Variants in GPC6 observed in about 807,000 individuals in gnomAD.
GPC6 encodes the protein glypican 6.
In GPC6, 14 loss-of-function variants were observed where a neutral mutation model predicts 55.2. That is an observed-to-expected ratio of 0.25 (90% CI 0.17 to 0.40). The LOEUF is 0.40. GPC6 is among the 10% of genes least tolerant of loss of function. GPC6 has a pLI of 1.00. For missense variants in GPC6, 641 were observed against 708.5 expected, an observed-to-expected ratio of 0.90 and a Z score of 1.08; for synonymous variants, 278 against 259.6, an observed-to-expected ratio of 1.07 and a Z score of -0.68.
chr13:93,398,980 A>C (rs973961453), intron 1 of GPC6, among the ~76,000 whole-genome samples: 2 of 152,128 alleles, frequency 1.3e-5, no homozygotes, highest in Non-Finnish European at 2.9e-5. Flanking sequence ...CAGGCCAGAA[A>C]GAGAAACTGA....
intron 1 of GPC6, among the ~76,000 whole-genome samples, chr13:93,391,397 G>C (rs1875627706): frequency 6.6e-6 from 1 of 152,004 alleles, no homozygotes; most frequent in Non-Finnish European, 1.5e-5. Context: ...TGTGAGTCTT[G>C]ATGACAAATG....
intron 2 of GPC6, among the ~76,000 whole-genome samples, chr13:93,813,521 TTTA>T (rs1886760746): frequency 6.6e-6 from 1 of 152,180 alleles, no homozygotes; most frequent in African/African-American, 2.4e-5. Context: ...TGCTAAACAT[TTTA>T]TCTTAAAGAT....
intron 1 of GPC6, among the ~76,000 whole-genome samples, chr13:93,526,779 A>T (rs1594237597): frequency 6.6e-6 from 1 of 152,084 alleles, no homozygotes; most frequent in Non-Finnish European, 1.5e-5. Flanking sequence ...AGCCAATCTG[A>T]TAAATTAAGT....
At chr13:94,195,069 C>A (rs915951062) in intron 4 of GPC6, among the ~76,000 whole-genome samples, 1 of 152,122 alleles carries the variant, frequency 6.6e-6, no homozygotes, top group African/African-American at 2.4e-5. Context: ...AAATAAGAAG[C>A]CTGTTTTCCT....
At chr13:93,452,288 T>G (rs1878257552) in intron 1 of GPC6, among the ~76,000 whole-genome samples, 1 of 152,260 alleles carries the variant, frequency 6.6e-6, no homozygotes, top group Non-Finnish European at 1.5e-5. Context: ...ATTTTTCTAC[T>G]GCATACAAAG....
At chr13:93,995,870 A>C (rs1005866947) in intron 3 of GPC6, among the ~76,000 whole-genome samples, 3 of 152,174 alleles carry the variant, frequency 2.0e-5, no homozygotes, top group African/African-American at 7.2e-5. Flanking sequence ...TTAAGTAAAA[A>C]TTGCCCCTTT....
At chr13:94,299,489 A>G (rs9524425) in intron 5 of GPC6, among the ~76,000 whole-genome samples, 2,453 of 152,322 alleles carry the variant, frequency 0.016, 31 homozygotes, top group East Asian at 0.035. Flanking sequence ...GTATTTGGAG[A>G]TGGAGGCTGT....
Position 93,647,874 on chromosome 13 carries a change from G to C in GPC6, c.319+102453G>C, listed in dbSNP as rs189487823. ...TGAGAGACCATGTCATGAGTGAACTGGCTACCACCAGTCTTCTTGAATCCG... is the reference window on the plus strand; with the variant it reads ...TGAGAGACCATGTCATGAGTGAACTCGCTACCACCAGTCTTCTTGAATCCG... On this transcript the variant is annotated intron_variant, in intron 2 of 8. Transcript: ENST00000377047. 1.8e-3 allele frequency among the ~76,000 whole-genome samples: 269 copies of C among 152,174 alleles called. 2 individuals carry two copies. The highest frequency in any genetic ancestry group is 6.1e-3 in the African/African-American group (254 of 41,536).
intron 1 of GPC6, among the ~76,000 whole-genome samples, chr13:93,453,938 T>G (rs894307090): frequency 8.5e-5 from 13 of 152,164 alleles, no homozygotes; most frequent in Non-Finnish European, 1.8e-4. Flanking sequence ...TTCTTTTATC[T>G]GGCCCCACCC....
intron 4 of GPC6, among the ~76,000 whole-genome samples, chr13:94,152,217 A>C (rs1312403921): frequency 6.6e-6 from 1 of 152,154 alleles, no homozygotes; most frequent in East Asian, 1.9e-4. Context: ...TTTCCTTCCA[A>C]ACCTCCTTTT....
At chr13:93,609,953 C>G (rs532479468) in intron 2 of GPC6, among the ~76,000 whole-genome samples, 1 of 152,254 alleles carries the variant, frequency 6.6e-6, no homozygotes, top group South Asian at 2.1e-4. Flanking sequence ...GTAGTAGATT[C>G]TATTCAGTAC....
At chr13:93,913,744 C>T (rs558093409) in intron 3 of GPC6, among the ~76,000 whole-genome samples, 119 of 152,176 alleles carry the variant, frequency 7.8e-4, no homozygotes, top group African/African-American at 2.6e-3. Context: ...GGTAAAGGAG[C>T]GTGATGGCAA....
intron 3 of GPC6, among the ~76,000 whole-genome samples, chr13:93,880,105 A>T (rs927246615): frequency 6.6e-6 from 1 of 151,944 alleles, no homozygotes; most frequent in African/African-American, 2.4e-5. Flanking sequence ...GAACACCTTT[A>T]CCCTGTTGGT....
At chr13:93,844,468 A>T (rs866040823) in intron 3 of GPC6, among the ~76,000 whole-genome samples, 1 of 152,136 alleles carries the variant, frequency 6.6e-6, no homozygotes, top group African/African-American at 2.4e-5. Context: ...AAATGAAAGT[A>T]AACCCCACTT....
At chr13:94,006,669 G>A (rs1036186756) in intron 3 of GPC6, among the ~76,000 whole-genome samples, 1 of 152,040 alleles carries the variant, frequency 6.6e-6, no homozygotes, top group African/African-American at 2.4e-5. Flanking sequence ...CATTGAAATG[G>A]GTCAAACCAC....
chr13:94,387,798 C>T lies in GPC6; in HGVS notation c.1289+5248C>T, dbSNP rs373547558. Among the ~76,000 whole-genome samples, 82 of 151,198 alleles carry T rather than the reference C, an allele frequency of 5.4e-4. 1 individual carries two copies. Among genetic ancestry groups the T allele is most frequent in the African/African-American group, 1.7e-3 (71 of 41,144 alleles). On this transcript the variant is annotated intron_variant, in intron 7 of 8. Coordinates refer to ENST00000377047, the MANE Select transcript of GPC6 (RefSeq NM_005708.5). ...GAGGACACAACAAGGCAGCCATCAG[C>T]AAACTAGGAAGAGAGCCCTAATCAG... is the stretch of plus-strand genomic sequence containing the variant.
intron 4 of GPC6, among the ~76,000 whole-genome samples, chr13:94,129,922 A>G (rs975194506): frequency 6.6e-6 from 1 of 152,150 alleles, no homozygotes; most frequent in African/African-American, 2.4e-5. Context: ...CAGGGTCTGT[A>G]TGTTACACAG....
intron 3 of GPC6, among the ~76,000 whole-genome samples, chr13:94,021,661 G>A (rs1274034604): frequency 2.0e-5 from 3 of 151,698 alleles, no homozygotes; most frequent in South Asian, 4.2e-4. Flanking sequence ...TGAACTCAAT[G>A]ATTTTTGTTA....
At chr13:94,035,780 T>C (rs1883313092) in intron 4 of GPC6, among the ~76,000 whole-genome samples, 1 of 152,078 alleles carries the variant, frequency 6.6e-6, no homozygotes, top group African/African-American at 2.4e-5. Flanking sequence ...TGACATAGTA[T>C]TTACTTTGAA....
Sources: gnomAD v4.1 joint callset for allele counts (sites outside exome capture counted in the v4.1 genomes callset) on GRCh38, gnomAD v4.1.1 for gene constraint, MANE v1.5 for transcripts, NCBI Gene and HGNC (gene_info 2026-07-23, HGNC 2026-07-21) for gene names.